The following ARHGAP8 variants were observed in gnomAD, a reference collection of about 807,000 sequenced individuals.
ARHGAP8 encodes Rho GTPase activating protein 8.
Under a neutral mutation model 46.1 loss-of-function variants are expected in ARHGAP8, and 62 were observed. That is an observed-to-expected ratio of 1.34 (90% confidence interval 1.10 to 1.66). ARHGAP8 has a LOEUF of 1.66. Among genes scored for constraint, ARHGAP8 ranks in the 40% most tolerant of loss-of-function variants. The pLI is 0.00. For synonymous variants in ARHGAP8, 375 were observed against 243.1 expected (o/e 1.54, Z -5.05); for missense variants, 923 against 568.4 (o/e 1.62, Z -6.34).
chr22:44,824,163 G>A (rs1193671828), intron 6 of ARHGAP8, among the ~76,000 whole-genome samples: 1 of 152,126 alleles, frequency 6.6e-6, no homozygotes, highest in Non-Finnish European at 1.5e-5. Flanking sequence ...GCTGAATCCT[G>A]GCTGTCATCC....
chr22:44,761,746 C>G (rs572988137), intron 1 of ARHGAP8, among the ~76,000 whole-genome samples: 2 of 152,118 alleles, frequency 1.3e-5, no homozygotes, highest in African/African-American at 4.8e-5. Flanking sequence ...AAGACACACC[C>G]GAGACTGGGT....
chr22:44,766,592 CTGTG>C (rs1039908982), intron 1 of ARHGAP8, among the ~76,000 whole-genome samples: 3 of 152,064 alleles, frequency 2.0e-5, no homozygotes, highest in Non-Finnish European at 4.4e-5. Flanking sequence ...ATGTGTGTCT[CTGTG>C]TGTAAGATAT....
chr22:44,811,090 A>G (rs1929301791), intron 4 of ARHGAP8, among the ~76,000 whole-genome samples: 1 of 152,188 alleles, frequency 6.6e-6, no homozygotes, highest in Non-Finnish European at 1.5e-5. Flanking sequence ...CAGCCCAGAG[A>G]AACAAACCCG....
intron 1 of ARHGAP8, among the ~76,000 whole-genome samples, chr22:44,770,300 A>G (rs1925903862): frequency 6.6e-6 from 1 of 152,112 alleles, no homozygotes; most frequent in Admixed American, 6.6e-5. Context: ...TTGTCTGCTG[A>G]GTCCACTTCT....
intron 3 of ARHGAP8, among the ~76,000 whole-genome samples, chr22:44,803,157 T>G (rs1158627935): frequency 6.6e-6 from 1 of 152,264 alleles, no homozygotes; most frequent in East Asian, 1.9e-4. Flanking sequence ...GAAATGACTC[T>G]GAGACAGAAG....
chr22:44,860,894 G>A (rs576404210), intron 11 of ARHGAP8, among the ~76,000 whole-genome samples: 33 of 152,150 alleles, frequency 2.2e-4, no homozygotes, highest in South Asian at 4.1e-4. Context: ...CAGAGTAGGC[G>A]TCACATCCCA....
At chr22:44,787,792 G>T (rs775846134) in intron 2 of ARHGAP8, among the ~76,000 whole-genome samples, 1 of 151,980 alleles carries the variant, frequency 6.6e-6, no homozygotes, top group Non-Finnish European at 1.5e-5. Context: ...ATAATAAAAA[G>T]AGGCCAGTTC....
intron 10 of ARHGAP8, among the ~76,000 whole-genome samples, chr22:44,851,203 TAACA>T (rs2070084194): frequency 6.6e-6 from 1 of 152,114 alleles, no homozygotes; most frequent in African/African-American, 2.4e-5. Flanking sequence ...AGGCACCAAT[TAACA>T]AACCTGGAGA....
intron 3 of ARHGAP8, 141 bp from the exon 4 acceptor site, chr22:44,808,166 G>A: frequency 7.7e-7 from 1 of 1,305,938 alleles, no homozygotes; most frequent in Non-Finnish European, 1.0e-6. Context: ...ATGAGGACCG[G>A]GGCCCACGGT....
chr22:44,860,702 AGTGTGCTCTC>A (rs2070434465), intron 11 of ARHGAP8, among the ~76,000 whole-genome samples: 1 of 152,060 alleles, frequency 6.6e-6, no homozygotes, highest in Admixed American at 6.5e-5. Context: ...GCCTGGGCTT[AGTGTGCTCTC>A]CCCCTGGGGC....
intron 3 of ARHGAP8, among the ~76,000 whole-genome samples, chr22:44,806,420 G>A (rs1246480864): frequency 2.6e-5 from 4 of 152,198 alleles, no homozygotes; most frequent in East Asian, 1.9e-4. Flanking sequence ...GGGAGCAGGC[G>A]TGGATGGCAG....
chr22:44,791,577 A>G (rs1018386376), intron 2 of ARHGAP8, among the ~76,000 whole-genome samples: 4 of 152,016 alleles, frequency 2.6e-5, no homozygotes, highest in African/African-American at 9.7e-5. Context: ...GATGGTGGGC[A>G]CCTGTAATCC....
chr22:44,775,745 T>A (rs1926375045), intron 1 of ARHGAP8, among the ~76,000 whole-genome samples: 1 of 152,198 alleles, frequency 6.6e-6, no homozygotes, highest in African/African-American at 2.4e-5. Context: ...CCACCGCACC[T>A]GGCCCATAAC....
intron 1 of ARHGAP8, among the ~76,000 whole-genome samples, chr22:44,779,103 T>C (rs1461627338): frequency 2.0e-5 from 3 of 150,482 alleles, no homozygotes; most frequent in Non-Finnish European, 3.0e-5. Context: ...CTGACTTTTT[T>C]TTTTTTTTTT....
intron 10 of ARHGAP8, among the ~76,000 whole-genome samples, chr22:44,852,358 T>C (rs981991140): frequency 6.6e-6 from 1 of 150,838 alleles, no homozygotes; most frequent in Non-Finnish European, 1.5e-5. Context: ...AGGCACCCTC[T>C]GGACATAGGG....
intron 5 of ARHGAP8, among the ~76,000 whole-genome samples, chr22:44,818,661 A>C (rs1929921301): frequency 6.6e-6 from 1 of 152,148 alleles, no homozygotes; most frequent in Non-Finnish European, 1.5e-5. Context: ...TCACTGACTT[A>C]ATACATATAG....
chr22:44,833,600 T>G (rs79568681), intron 7 of ARHGAP8, among the ~76,000 whole-genome samples: 2,907 of 152,292 alleles, frequency 0.019, 47 homozygotes, highest in Middle Eastern at 0.048. Context: ...TGTATTTATA[T>G]TTATAAGAGG....
At chr22:44,855,194 C>G (rs1427859480) in intron 10 of ARHGAP8, among the ~76,000 whole-genome samples, 1 of 152,086 alleles carries the variant, frequency 6.6e-6, no homozygotes, top group African/African-American at 2.4e-5. Flanking sequence ...CATGCGTAGA[C>G]ATAACATAGA....
At chr22:44,787,141 C>T (rs1927317491) in intron 2 of ARHGAP8, among the ~76,000 whole-genome samples, 1 of 152,006 alleles carries the variant, frequency 6.6e-6, no homozygotes, top group Non-Finnish European at 1.5e-5. Context: ...CCCAGGTGCT[C>T]CGAGAAGCCA....
Sources: gnomAD v4.1 joint callset for allele counts (sites outside exome capture counted in the v4.1 genomes callset) on GRCh38, gnomAD v4.1.1 for gene constraint, MANE v1.5 for transcripts, NCBI Gene and HGNC (gene_info 2026-07-23, HGNC 2026-07-21) for gene names.